Variants in LRRTM4 observed in about 807,000 individuals in gnomAD.
LRRTM4 encodes leucine rich repeat transmembrane neuronal 4, also known as leucine-rich repeat transmembrane neuronal protein 4.
Under a neutral mutation model 47.6 loss-of-function variants are expected in LRRTM4, and 25 were observed. The observed-to-expected ratio is 0.53, with a 90% CI of 0.38 to 0.73. The LOEUF is 0.73. LRRTM4 is among the 30% of genes least tolerant of loss of function. The pLI is 0.00. For missense variants in LRRTM4, 638 were observed against 713.4 expected (o/e 0.89, Z 1.20); for synonymous variants, 311 against 269.5 (o/e 1.15, Z -1.51).
chr2:76,897,049 C>T (rs974544713), intron 3 of LRRTM4, among the ~76,000 whole-genome samples: 4 of 151,856 alleles, frequency 2.6e-5, no homozygotes, highest in Non-Finnish European at 4.4e-5. Context: ...GACGGACACT[C>T]GTAGCTTATT....
intron 3 of LRRTM4, among the ~76,000 whole-genome samples, chr2:77,228,631 A>C (rs1674878628): frequency 1.3e-5 from 2 of 152,188 alleles, no homozygotes; most frequent in Admixed American, 1.3e-4. Flanking sequence ...AGATCACTCC[A>C]GGGAAAAAGC....
intron 3 of LRRTM4, among the ~76,000 whole-genome samples, chr2:77,488,671 A>G (rs552724828): frequency 6.6e-6 from 1 of 152,262 alleles, no homozygotes; most frequent in South Asian, 2.1e-4. Flanking sequence ...ACAAAGTAAA[A>G]CCAGTTTGAA....
chr2:77,231,089 C>T (rs1363254192), intron 3 of LRRTM4, among the ~76,000 whole-genome samples: 3 of 152,044 alleles, frequency 2.0e-5, no homozygotes, highest in African/African-American at 4.8e-5. Flanking sequence ...ACCTAAACTT[C>T]GAATTTAACG....
At chr2:76,934,748 T>C (rs1362573447) in intron 3 of LRRTM4, among the ~76,000 whole-genome samples, 1 of 152,180 alleles carries the variant, frequency 6.6e-6, no homozygotes, top group Non-Finnish European at 1.5e-5. Flanking sequence ...GACAATACTG[T>C]GTACTATGTC....
chr2:76,986,541 T>A (rs1465129366), intron 3 of LRRTM4, among the ~76,000 whole-genome samples: 1 of 151,950 alleles, frequency 6.6e-6, no homozygotes, highest in Non-Finnish European at 1.5e-5. Context: ...GTAACTAATG[T>A]GGCTAATCTG....
chr2:77,359,259 C>T (rs1474126731), intron 3 of LRRTM4, among the ~76,000 whole-genome samples: 2 of 151,980 alleles, frequency 1.3e-5, no homozygotes, highest in Admixed American at 6.6e-5. Flanking sequence ...CATTTTGTTG[C>T]GTGTTTTAAA....
chr2:77,443,680 C>T (rs1168217917), intron 3 of LRRTM4, among the ~76,000 whole-genome samples: 2 of 151,858 alleles, frequency 1.3e-5, no homozygotes, highest in Non-Finnish European at 2.9e-5. Context: ...TCAAGAAAAA[C>T]ATGGAAGAAA....
intron 3 of LRRTM4, among the ~76,000 whole-genome samples, chr2:77,133,081 C>A (rs1235908207): frequency 6.6e-6 from 1 of 152,174 alleles, no homozygotes. Flanking sequence ...AATGTGGCAG[C>A]TGCCCAGAAA....
intron 3 of LRRTM4, among the ~76,000 whole-genome samples, chr2:77,299,277 AC>A (rs1420995926): frequency 5.3e-4 from 54 of 100,966 alleles, no homozygotes; most frequent in South Asian, 1.4e-3. Context: ...ACACACACAC[AC>A]ACACACACAC....
chr2:77,103,338 C>T (rs1671006993), intron 3 of LRRTM4, among the ~76,000 whole-genome samples: 1 of 152,092 alleles, frequency 6.6e-6, no homozygotes, highest in South Asian at 2.1e-4. Context: ...CACAGGCAAC[C>T]TAAGATTTAA....
At chr2:77,171,304 T>A (rs1673042802) in intron 3 of LRRTM4, among the ~76,000 whole-genome samples, 1 of 152,082 alleles carries the variant, frequency 6.6e-6, no homozygotes, top group Non-Finnish European at 1.5e-5. Flanking sequence ...TGAGATGGAG[T>A]CTACCTCTGA....
rs114241653 is a variant in LRRTM4 at position 77,170,170 on chromosome 2, T to C, written c.1551+348148A>G. 4.4e-3 allele frequency among the ~76,000 whole-genome samples: 670 copies of C among 152,218 alleles called. 4 individuals are homozygous for C. Among genetic ancestry groups the C allele is most frequent in the Non-Finnish European group, 8.4e-3 (568 of 68,018 alleles). On this transcript the variant is annotated intron_variant, in intron 3 of 3. Transcript: ENST00000409884. ...AGACGAGATATGATCCTATATTATATAGGTGGGTCCAGTCTAATCATGTGA... is the reference window on the plus strand; with the variant it reads ...AGACGAGATATGATCCTATATTATACAGGTGGGTCCAGTCTAATCATGTGA...
At chr2:76,951,327 T>TG (rs1472958098) in intron 3 of LRRTM4, among the ~76,000 whole-genome samples, 1 of 152,026 alleles carries the variant, frequency 6.6e-6, no homozygotes, top group East Asian at 1.9e-4. Flanking sequence ...TTCTTAAGGA[T>TG]GGCTTCTCTT....
At chr2:77,520,694 A>T (rs1425968320) in intron 2 of LRRTM4, among the ~76,000 whole-genome samples, 1 of 152,128 alleles carries the variant, frequency 6.6e-6, no homozygotes, top group East Asian at 1.9e-4. Context: ...AATTCGAAGG[A>T]TAAACAAGGA....
chr2:77,429,294 A>G (rs1675256103), intron 3 of LRRTM4, among the ~76,000 whole-genome samples: 1 of 152,176 alleles, frequency 6.6e-6, no homozygotes, highest in Non-Finnish European at 1.5e-5. Flanking sequence ...GACCCAGGAA[A>G]ATTATCTAAG....
At chr2:76,760,050 A>G (rs1332199474) in intron 3 of LRRTM4, among the ~76,000 whole-genome samples, 1 of 152,172 alleles carries the variant, frequency 6.6e-6, no homozygotes, top group Non-Finnish European at 1.5e-5. Context: ...TTCAATAAAT[A>G]TGTGCTATAA....
At chr2:77,234,998 T>G (rs2103977721) in intron 3 of LRRTM4, among the ~76,000 whole-genome samples, 1 of 152,324 alleles carries the variant, frequency 6.6e-6, no homozygotes, top group Middle Eastern at 3.4e-3. Flanking sequence ...CTTTCCATTA[T>G]TGCAGTAATT....
intron 3 of LRRTM4, among the ~76,000 whole-genome samples, chr2:77,219,365 G>C (rs888571489): frequency 6.6e-6 from 1 of 152,108 alleles, no homozygotes; most frequent in African/African-American, 2.4e-5. Context: ...AGTACAGCCT[G>C]TTGAGTCACT....
intron 3 of LRRTM4, among the ~76,000 whole-genome samples, chr2:76,976,427 A>G (rs1016157176): frequency 4.6e-5 from 7 of 151,942 alleles, no homozygotes; most frequent in African/African-American, 1.2e-4. Flanking sequence ...AAAATAAACC[A>G]AAACCACATG....
Sources: gnomAD v4.1 joint callset for allele counts (sites outside exome capture counted in the v4.1 genomes callset) on GRCh38, gnomAD v4.1.1 for gene constraint, MANE v1.5 for transcripts, NCBI Gene and HGNC (gene_info 2026-07-23, HGNC 2026-07-21) for gene names.